The following ENTREP2 variants were observed in gnomAD, a reference collection of about 807,000 sequenced individuals.
The protein encoded by ENTREP2 is protein ENTREP2.
the ENTREP2 span, among the ~76,000 whole-genome samples, chr15:29,401,314 ATAAAT>A: frequency 2.0e-5 from 3 of 152,250 alleles, no homozygotes; most frequent in African/African-American, 7.2e-5. Flanking sequence ...AAGAGCTCGT[ATAAAT>A]TAATAAAAGA....
chr15:29,396,105 C>T, the ENTREP2 span, among the ~76,000 whole-genome samples: 1 of 152,184 alleles, frequency 6.6e-6, no homozygotes, highest in Non-Finnish European at 1.5e-5. Flanking sequence ...ACCATTTCTT[C>T]TGAGTGTTTG....
chr15:29,662,211 C>CAAAAAAAAAAAAAAAAAAAA, the ENTREP2 span, among the ~76,000 whole-genome samples: 1 of 46,948 alleles, frequency 2.1e-5, no homozygotes, highest in African/African-American at 6.7e-5. Flanking sequence ...AACCCTGTCG[C>CAAAAAAAAAAAAAAAAAAAA]AAAAAAAAAA....
chr15:29,642,571 C>CTA, the ENTREP2 span, among the ~76,000 whole-genome samples: 7 of 144,658 alleles, frequency 4.8e-5, no homozygotes, highest in Admixed American at 4.8e-4. Context: ...ATACTATATA[C>CTA]TATATATATA....
chr15:29,634,858 C>T, the ENTREP2 span, among the ~76,000 whole-genome samples: 1 of 152,164 alleles, frequency 6.6e-6, no homozygotes, highest in Admixed American at 6.5e-5. Context: ...AAGAGATGCA[C>T]AGGGTGAGGC....
At chr15:29,671,989 TTTTG>T in the ENTREP2 span, among the ~76,000 whole-genome samples, 2 of 152,142 alleles carry the variant, frequency 1.3e-5, no homozygotes, top group South Asian at 2.1e-4. Flanking sequence ...GGGATTCTTT[TTTTG>T]TTTGTTTGTT....
At chr15:29,444,694 T>C in the ENTREP2 span, among the ~76,000 whole-genome samples, 1 of 152,116 alleles carries the variant, frequency 6.6e-6, no homozygotes, top group African/African-American at 2.4e-5. Context: ...CTCGAACTCC[T>C]GACCTTGTGA....
the ENTREP2 span, among the ~76,000 whole-genome samples, chr15:29,531,410 G>A: frequency 6.6e-6 from 1 of 152,108 alleles, no homozygotes. Flanking sequence ...ACTGGTGTGG[G>A]GGAGGGCCAG....
chr15:29,138,850 T>C, the ENTREP2 span, among the ~76,000 whole-genome samples: 3 of 152,054 alleles, frequency 2.0e-5, no homozygotes, highest in African/African-American at 7.2e-5. Flanking sequence ...AGAACGCATC[T>C]GAACGGGTCT....
chr15:29,440,396 TA>T, the ENTREP2 span, among the ~76,000 whole-genome samples: 1 of 152,172 alleles, frequency 6.6e-6, no homozygotes, highest in African/African-American at 2.4e-5. Flanking sequence ...AAATATTTTT[TA>T]TTCTGCATAT....
the ENTREP2 span, among the ~76,000 whole-genome samples, chr15:29,225,086 C>A: frequency 3.9e-4 from 59 of 152,346 alleles, no homozygotes; most frequent in African/African-American, 1.4e-3. Context: ...TCACGCTGGC[C>A]CGCAAGCACC....
At chr15:29,216,323 G>A in the ENTREP2 span, among the ~76,000 whole-genome samples, 1 of 152,168 alleles carries the variant, frequency 6.6e-6, no homozygotes, top group African/African-American at 2.4e-5. Flanking sequence ...TAGGGTTTCT[G>A]CTGAGAAATC....
At chr15:29,376,779 G>A in the ENTREP2 span, 3 of 152,260 alleles carry the variant, frequency 2.0e-5, no homozygotes, top group African/African-American at 7.2e-5. Context: ...AAAAGAAGGA[G>A]CTGCAGCAGG....
the ENTREP2 span, among the ~76,000 whole-genome samples, chr15:29,396,766 A>G: frequency 6.6e-6 from 1 of 152,156 alleles, no homozygotes; most frequent in Non-Finnish European, 1.5e-5. Context: ...TCTTTAATCC[A>G]TTTTGAGTTA....
the ENTREP2 span, among the ~76,000 whole-genome samples, chr15:29,231,885 C>CTTTTTTTTTTTTT: frequency 6.4e-3 from 831 of 129,754 alleles, 74 homozygotes; most frequent in East Asian, 0.012. Flanking sequence ...GTTTTCTTTT[C>CTTTTTTTTTTTTT]TTTTCTTTCT....
the ENTREP2 span, among the ~76,000 whole-genome samples, chr15:29,653,563 A>G: frequency 2.0e-5 from 3 of 152,160 alleles, no homozygotes; most frequent in African/African-American, 2.4e-5. Flanking sequence ...CGATGGTTTG[A>G]TAAGTGTTTG....
chr15:29,354,659 A>T, the ENTREP2 span, among the ~76,000 whole-genome samples: 11 of 152,238 alleles, frequency 7.2e-5, no homozygotes, highest in African/African-American at 2.6e-4. Flanking sequence ...TGTCTCTATG[A>T]AACACGCACA....
At chr15:29,606,238 C>CTTT in the ENTREP2 span, among the ~76,000 whole-genome samples, 2 of 140,386 alleles carry the variant, frequency 1.4e-5, no homozygotes, top group African/African-American at 2.6e-5. Context: ...TCTTTTCCTT[C>CTTT]TTTTTTTTTT....
the ENTREP2 span, among the ~76,000 whole-genome samples, chr15:29,319,226 T>C: frequency 6.6e-6 from 1 of 152,320 alleles, no homozygotes; most frequent in South Asian, 2.1e-4. Flanking sequence ...AAGGCTTCCA[T>C]GTTCTATAAA....
chr15:29,302,764 G>A, the ENTREP2 span, among the ~76,000 whole-genome samples: 9 of 152,258 alleles, frequency 5.9e-5, no homozygotes, highest in South Asian at 1.9e-3. Context: ...TTTGCAAGGC[G>A]TGTCAATTTT....
Sources: allele counts gnomAD v4.1 joint callset (sites outside exome capture counted in the v4.1 genomes callset), GRCh38; gene constraint gnomAD v4.1.1; transcripts MANE v1.5; gene names NCBI Gene and HGNC (gene_info 2026-07-23, HGNC 2026-07-21).